The following DGKB variants were observed in gnomAD, a reference collection of about 807,000 sequenced individuals.
DGKB encodes 90 kDa diacylglycerol kinase.
A neutral mutation model predicts 114.3 loss-of-function variants in DGKB; 67 were observed. The ratio of observed to expected loss-of-function variants is 0.59; its 90% CI spans 0.48 to 0.72. The LOEUF (loss-of-function observed/expected upper bound fraction) is 0.72, where lower values mean the gene tolerates loss of function less well. Among genes scored for constraint, DGKB ranks in the 30% least tolerant of loss-of-function variants. The pLI is 0.00. For missense variants in DGKB, 907 were observed against 975.2 expected, an observed-to-expected ratio of 0.93 and a Z score of 0.93; for synonymous variants, 398 against 323.1, an observed-to-expected ratio of 1.23 and a Z score of -2.49.
chr7:14,735,149 A>G (rs933502534), intron 5 of DGKB, among the ~76,000 whole-genome samples: 6 of 152,194 alleles, frequency 3.9e-5, no homozygotes, highest in Admixed American at 3.9e-4. Flanking sequence ...GCAATCTGGG[A>G]CAGGCCACGG....
At chr7:14,834,319 C>G (rs1010110692) in intron 2 of DGKB, among the ~76,000 whole-genome samples, 2 of 152,010 alleles carry the variant, frequency 1.3e-5, no homozygotes, top group African/African-American at 4.8e-5. Context: ...TGGCTAATGT[C>G]CCAAGGTAAA....
intron 1 of DGKB, among the ~76,000 whole-genome samples, chr7:14,894,573 G>C (rs1781810853): frequency 1.3e-5 from 2 of 151,464 alleles, no homozygotes; most frequent in Admixed American, 6.6e-5. Context: ...ATAAAGAATA[G>C]CAATATAATT....
At chr7:14,797,324 T>C (rs1429017302) in intron 2 of DGKB, among the ~76,000 whole-genome samples, 1 of 152,168 alleles carries the variant, frequency 6.6e-6, no homozygotes, top group Non-Finnish European at 1.5e-5. Flanking sequence ...TCCAAAATAT[T>C]ATAATGTTAA....
chr7:14,182,112 G>A (rs73065758), intron 23 of DGKB, among the ~76,000 whole-genome samples: 520 of 152,118 alleles, frequency 3.4e-3, no homozygotes, highest in African/African-American at 7.9e-3. Flanking sequence ...TAAATATCAC[G>A]TTATAGTTGT....
chr7:14,581,031 C>T, intron 18 of DGKB, 80 bp from the exon 19 acceptor site: 2 of 935,100 alleles, frequency 2.1e-6, no homozygotes, highest in Non-Finnish European at 3.2e-6. Context: ...AGCCTGATGA[C>T]ATTAAATGAA....
Position 14,228,884 on chromosome 7 carries a change from CTGTGTG to C in DGKB, c.2123-50739_2123-50734del, listed in dbSNP as rs71548072. Among the ~76,000 whole-genome samples the C allele has an allele frequency of 2.0e-5, 3 of 148,634 alleles. No homozygotes were observed. The East Asian group carries it at 6.0e-4, about 30-fold the overall frequency. On this transcript the variant is annotated intron_variant, in intron 23 of 25. Coordinates refer to ENST00000402815, the MANE Select transcript of DGKB (RefSeq NM_001350709.2). ...CAACTACCTAGCATCAGTTTTTTTT[CTGTGTG>C]TGTGTGTGTGTGTGTGTTCAAAAAT...
At position 14,430,763 on chromosome 7, in the gene DGKB, C is replaced by A. The variant is rs542378110; in HGVS notation, c.1835+47398G>T. Among the ~76,000 whole-genome samples the A allele has an allele frequency of 2.6e-5, 4 of 152,288 alleles. No homozygotes were observed. The East Asian group carries it at 5.8e-4, about 22-fold the overall frequency. On this transcript the variant is annotated intron_variant, in intron 21 of 25. Coordinates refer to ENST00000402815, the MANE Select transcript of DGKB (RefSeq NM_001350709.2). ...TTTATATATAACTACTTTCACATTT[C>A]TGAGTAATTTCATTGGCACATTTTT...
chr7:14,961,952 A>G (rs546720874), intron 1 of DGKB, among the ~76,000 whole-genome samples: 11 of 152,220 alleles, frequency 7.2e-5, no homozygotes, highest in South Asian at 2.1e-4. Flanking sequence ...ATTGCACACT[A>G]ATTAACCATG....
chr7:14,724,395 G>A (rs1829710602), intron 5 of DGKB, among the ~76,000 whole-genome samples: 1 of 152,124 alleles, frequency 6.6e-6, no homozygotes. Context: ...AAATTAGGTA[G>A]ATGGCATTTT....
At chr7:14,512,118 T>G (rs1008357137) in intron 20 of DGKB, among the ~76,000 whole-genome samples, 1 of 152,202 alleles carries the variant, frequency 6.6e-6, no homozygotes, top group Admixed American at 6.5e-5. Flanking sequence ...ATAGATTTGC[T>G]CAAAATAGGG....
At chr7:14,850,778 G>C (rs1045979747) in intron 1 of DGKB, among the ~76,000 whole-genome samples, 1 of 152,130 alleles carries the variant, frequency 6.6e-6, no homozygotes, top group African/African-American at 2.4e-5. Flanking sequence ...TTAACTTAGA[G>C]CTACAACAAT....
chr7:14,380,333 TGAAGAAAAGAG>T (rs1179533523), intron 21 of DGKB, among the ~76,000 whole-genome samples: 1 of 152,016 alleles, frequency 6.6e-6, no homozygotes, highest in Non-Finnish European at 1.5e-5. Context: ...GGAAGTTAGG[TGAAGAAAAGAG>T]GATGAAAAGT....
chr7:14,594,010 T>A lies in DGKB; in HGVS notation c.1434-10873A>T, dbSNP rs942378031. On this transcript the variant is annotated intron_variant, in intron 17 of 25. Coordinates refer to ENST00000402815, the MANE Select transcript of DGKB (RefSeq NM_001350709.2). ...CCCTCTTCTGCTTATAAAGCCAAAC[T>A]CCTGTGCTCAGTTCATTGGAACACT... Among the ~76,000 whole-genome samples the A allele has an allele frequency of 3.9e-5, 6 of 152,128 alleles. No individual in the cohort carries two copies. In the East Asian group the frequency reaches 1.2e-3, roughly 29 times the overall value.
intron 14 of DGKB, among the ~76,000 whole-genome samples, chr7:14,629,782 G>A (rs993142564): frequency 1.3e-5 from 2 of 152,084 alleles, no homozygotes; most frequent in Admixed American, 1.3e-4. Flanking sequence ...GATTAATGCT[G>A]CATTCATTTG....
intron 7 of DGKB, among the ~76,000 whole-genome samples, chr7:14,698,672 G>A (rs1418051020): frequency 2.6e-5 from 4 of 152,040 alleles, no homozygotes; most frequent in African/African-American, 9.7e-5. Flanking sequence ...AAGGTTTGCA[G>A]GACAAGTATA....
At chr7:14,232,331 C>T (rs1326056718) in intron 23 of DGKB, among the ~76,000 whole-genome samples, 3 of 151,066 alleles carry the variant, frequency 2.0e-5, no homozygotes, top group Non-Finnish European at 4.4e-5. Flanking sequence ...AAAGGCTGCC[C>T]TGCTCGAAAT....
intron 1 of DGKB, among the ~76,000 whole-genome samples, chr7:14,899,242 G>T (rs569087298): frequency 6.6e-6 from 1 of 152,160 alleles, no homozygotes; most frequent in African/African-American, 2.4e-5. Context: ...AAGAATCAGC[G>T]ATATGTCCAA....
At position 14,156,284 on chromosome 7, in the gene DGKB, A is replaced by G. The variant is rs374591705; in HGVS notation, c.2305-7046T>C. On this transcript the variant is annotated intron_variant, in intron 25 of 25. Transcript: ENST00000402815. ...TTAACTTAATTCTAAATATAGAATT[A>G]TTATATTAGAGAGTGATCTACTGAA... Among the ~76,000 whole-genome samples the G allele has an allele frequency of 2.6e-5, 4 of 152,282 alleles. No individual in the cohort carries two copies. In the East Asian group the frequency reaches 5.8e-4, roughly 22 times the overall value.
At chr7:14,425,239 A>T (rs1827324546) in intron 21 of DGKB, among the ~76,000 whole-genome samples, 1 of 152,102 alleles carries the variant, frequency 6.6e-6, no homozygotes, top group Non-Finnish European at 1.5e-5. Context: ...CTCTAAAATA[A>T]TAAGTAGGAC....
Sources: allele counts gnomAD v4.1 joint callset (sites outside exome capture counted in the v4.1 genomes callset), GRCh38; gene constraint gnomAD v4.1.1; transcripts MANE v1.5; gene names NCBI Gene and HGNC (gene_info 2026-07-23, HGNC 2026-07-21).